Variants in GMFB observed in about 807,000 individuals in gnomAD.
GMFB encodes the protein GMF-beta.
In GMFB, 13 loss-of-function variants were observed where a neutral mutation model predicts 25.6. The observed-to-expected ratio is 0.51, with a 90% CI of 0.33 to 0.81. The LOEUF (loss-of-function observed/expected upper bound fraction) is 0.81, where lower values mean the gene tolerates loss of function less well. GMFB is among the 30% of genes least tolerant of loss of function. GMFB has a pLI of 0.02. For synonymous variants in GMFB, 57 were observed against 56.9 expected (o/e 1.00, Z 0.00); for missense variants, 146 against 175.4 (o/e 0.83, Z 0.95).
chr14:54,483,580 T>G (rs1276430624), intron 2 of GMFB, 91 bp downstream of exon 2: 5 of 684,710 alleles, frequency 7.3e-6, no homozygotes, highest in South Asian at 1.8e-5. Context: ...GAAGTAACAT[T>G]GCTTTCCAAC....
chr14:54,477,956 T>G lies in GMFB; in HGVS notation c.*132A>C, dbSNP rs558880647. 2.8e-5 allele frequency: 14 copies of G among 495,854 alleles called. No homozygotes were observed. In the African/African-American group the frequency reaches 2.8e-4, roughly 10 times the overall value. The allele number at this position is 495,854 out of a possible 1,614,324, so 30.7% of individuals were successfully genotyped here. ...CCTCTTTGTTCAAATTTTGCACAAA[T>G]GAAGAATTTTTCTTTACTGCAGGAA... is the stretch of plus-strand genomic sequence containing the variant. On this transcript the variant is annotated 3_prime_UTR_variant, in exon 7 of 7. Transcript: ENST00000358056.
Position 54,481,478 on chromosome 14 carries a change from C to A in GMFB, c.151-20G>T. 6.3e-7 allele frequency: 1 copy of A among 1,584,680 alleles called. No individual in the cohort carries two copies. The highest frequency in any genetic ancestry group is 1.7e-5 in the Admixed American group (1 of 59,886). ...AATGCCCTGGCACCACAGAGAAAAG[C>A]AACTTTTAAACATTTTCTTACCCAT... is the stretch of plus-strand genomic sequence containing the variant. On this transcript the variant is annotated intron_variant, in intron 3 of 6. Transcript: ENST00000358056.
In GMFB at chr14:54,477,896, C is replaced by A. The variant is rs1594632266; in HGVS notation, c.*192G>T. Reference sequence around the variant, plus strand: ...CCTAACAATTACCAATATAAGGAAACACTTTACAAAGTTTCATTACTATGA... The same window carrying A: ...CCTAACAATTACCAATATAAGGAAAAACTTTACAAAGTTTCATTACTATGA... On this transcript the variant is annotated 3_prime_UTR_variant, in exon 7 of 7. Transcript: ENST00000358056. 1 of 427,012 alleles carries A rather than the reference C, an allele frequency of 2.3e-6. No homozygotes were observed. Among genetic ancestry groups the A allele is most frequent in the South Asian group, 6.2e-5 (1 of 16,016 alleles). The allele number at this position is 427,012 out of a possible 1,614,324, so 26.5% of individuals were successfully genotyped here. A position where few individuals can be genotyped will look rare whatever the true frequency, so the allele number is the denominator to read the frequency against.
rs1566497124 is a variant in GMFB at position 54,480,962 on chromosome 14, T to TC, written c.201-7dup. On this transcript the variant is annotated splice_region_variant and splice_polypyrimidine_tract_variant and intron_variant, in intron 4 of 6. Transcript: ENST00000358056. Reference sequence around the variant, plus strand: ...TATAACTATACACAATGAAGGTTTTTCTCAAGTTAAAGAAACTAAAGTTAC... The same window carrying TC: ...TATAACTATACACAATGAAGGTTTTTCCTCAAGTTAAAGAAACTAAAGTTAC... 7.1e-7 allele frequency: 1 copy of TC among 1,404,086 alleles called. No homozygotes were observed. The highest frequency in any genetic ancestry group is 1.9e-5 in the Admixed American group (1 of 52,290). 87.0% of individuals were successfully genotyped at this position (1,404,086 alleles called of 1,614,324 possible). A position where few individuals can be genotyped will look rare whatever the true frequency, so the allele number is the denominator to read the frequency against.
chr14:54,479,679 A>C, intron 6 of GMFB, 107 bp downstream of exon 6: 1 of 636,050 alleles, frequency 1.6e-6, no homozygotes. Flanking sequence ...ATCTGGTCTA[A>C]ATAACCTTCA....
At chr14:54,482,732 TA>T (rs1314992480) in intron 2 of GMFB, among the ~76,000 whole-genome samples, 2 of 152,196 alleles carry the variant, frequency 1.3e-5, no homozygotes, top group Non-Finnish European at 2.9e-5. Context: ...AATCCAAAGC[TA>T]AATCAAAATA....
intron 4 of GMFB, 89 bp downstream of exon 4, chr14:54,481,320 G>GGATA: frequency 1.2e-6 from 1 of 853,690 alleles, no homozygotes; most frequent in East Asian, 2.5e-5. Context: ...TGACACAGAA[G>GGATA]GATACTTTTA....
chr14:54,488,448 C>A (rs564147699), intron 1 of GMFB, among the ~76,000 whole-genome samples: 34 of 152,320 alleles, frequency 2.2e-4, no homozygotes, highest in African/African-American at 7.9e-4. Context: ...AAGGTGAGGC[C>A]GAGAGAATTC....
At chr14:54,478,366 T>C in intron 6 of GMFB, 1 of 341,268 alleles carries the variant, frequency 2.9e-6, no homozygotes, top group East Asian at 4.4e-5. Context: ...AGAACTTCAC[T>C]TCTTTTAAAT....
At chr14:54,478,208 A>C (rs983958063) in intron 6 of GMFB, 49 bp from the exon 7 acceptor site, 2 of 653,342 alleles carry the variant, frequency 3.1e-6, no homozygotes, top group Non-Finnish European at 5.0e-6. Flanking sequence ...TCCAAAAAAA[A>C]AGTCAAATAT....
chr14:54,481,063 A>C, intron 4 of GMFB, 107 bp from the exon 5 acceptor site: 1 of 599,072 alleles, frequency 1.7e-6, no homozygotes, highest in East Asian at 2.9e-5. Context: ...TTTAGGCCAC[A>C]CCTTCATTAT....
rs2031687388 is a variant in GMFB, at chr14:54,479,843, T to C, written c.300A>G (p.Gln100=). 1.9e-6 allele frequency: 3 copies of C among 1,600,670 alleles called. No homozygotes were observed. Among genetic ancestry groups the C allele is most frequent in the African/African-American group, 1.3e-5 (1 of 74,738 alleles). The part of the protein sequence containing the change: ...FSSPVGCKPE[Q]QMMYAGSKNK... ...TCTTACTTCCAGCATACATCATCTG[T>C]TGTTCAGGCTTACATCCTGGAAAAG... The change falls in exon 6 of 7, where the codon CAA becomes CAG. Residue 100 remains glutamine (Q), a synonymous_variant. Transcript: ENST00000358056.
chr14:54,486,022 C>T (rs779784454), intron 1 of GMFB, among the ~76,000 whole-genome samples: 133 of 152,210 alleles, frequency 8.7e-4, no homozygotes, highest in Admixed American at 3.5e-3. Flanking sequence ...GAGGCCGAGG[C>T]GGGCGGATCA....
intron 3 of GMFB, 163 bp downstream of exon 3, chr14:54,481,990 G>A (rs1194811833): frequency 1.0e-5 from 6 of 583,424 alleles, no homozygotes; most frequent in Non-Finnish European, 1.9e-5. Context: ...AGTTAAATTA[G>A]CAATATCACA....
In GMFB at chr14:54,485,092, G is replaced by A. The variant is rs377681402; in HGVS notation, c.4-1325C>T. Reference sequence around the variant, plus strand: ...CATACTAAATGGGGAAAAACTGAAAGCCTTTACTCTAAGTTCTGGAGTAAA... The same window carrying A: ...CATACTAAATGGGGAAAAACTGAAAACCTTTACTCTAAGTTCTGGAGTAAA... On this transcript the variant is annotated intron_variant, in intron 1 of 6. Transcript: ENST00000358056. 1.0e-3 allele frequency among the ~76,000 whole-genome samples: 153 copies of A among 151,700 alleles called. 6 individuals are homozygous for A. The South Asian group carries it at 0.028, about 28-fold the overall frequency.
Position 54,478,177 on chromosome 14 carries a change from ACTTGGGTCATACTTTGACACTCC to A in GMFB, c.358-41_358-19del. ...TCAAATACCTTTAAAAAAAAAAAAA[ACTTGGGTCATACTTTGACACTCC>A]AAAAAAAAAGTCAAATATTTGAATT... On this transcript the variant is annotated intron_variant, in intron 6 of 6. Transcript: ENST00000358056. The A allele has an allele frequency of 3.6e-5, 38 of 1,049,848 alleles. No homozygotes were observed. The highest frequency in any genetic ancestry group is 4.8e-5 in the Non-Finnish European group (36 of 748,336). 65.0% of individuals were successfully genotyped at this position (1,049,848 alleles called of 1,614,324 possible). A position where few individuals can be genotyped will look rare whatever the true frequency, so the allele number is the denominator to read the frequency against.
At chr14:54,486,236 G>A (rs2031780847) in intron 1 of GMFB, among the ~76,000 whole-genome samples, 1 of 152,036 alleles carries the variant, frequency 6.6e-6, no homozygotes, top group African/African-American at 2.4e-5. Flanking sequence ...GCGACAGAGC[G>A]AGACTCCATC....
Position 54,488,936 on chromosome 14 carries a change from C to T in GMFB, c.-9G>A. The T allele has an allele frequency of 1.3e-6, 2 of 1,560,292 alleles. No homozygotes were observed. Among genetic ancestry groups the T allele is most frequent in the African/African-American group, 1.4e-5 (1 of 70,674 alleles). On this transcript the variant is annotated 5_prime_UTR_variant, in exon 1 of 7. Coordinates refer to ENST00000358056, the MANE Select transcript of GMFB (RefSeq NM_004124.3). ...CAGCGGCAACTCACCATTTTCCTTCCGGCCGTCAGCGGCCTGTCGCCTACA... is the reference window on the plus strand; with the variant it reads ...CAGCGGCAACTCACCATTTTCCTTCTGGCCGTCAGCGGCCTGTCGCCTACA...
Position 54,476,648 on chromosome 14 carries a change from A to G in GMFB, c.*1440T>C, listed in dbSNP as rs1017733294. Reference sequence around the variant, plus strand: ...TTGGGAACAGAAGATGTTCTATTCAATATCGCAAAAATTCCAACTATCTTT... The same window carrying G: ...TTGGGAACAGAAGATGTTCTATTCAGTATCGCAAAAATTCCAACTATCTTT... On this transcript the variant is annotated 3_prime_UTR_variant, in exon 7 of 7. Coordinates refer to ENST00000358056, the MANE Select transcript of GMFB (RefSeq NM_004124.3). 3 of 152,060 alleles carry G rather than the reference A, an allele frequency of 2.0e-5. No individual in the cohort carries two copies. Among genetic ancestry groups the G allele is most frequent in the Non-Finnish European group, 2.9e-5 (2 of 67,916 alleles). The allele number at this position is 152,060 out of a possible 1,614,324, so 9.4% of individuals were successfully genotyped here.
Sources: gnomAD v4.1 joint callset for allele counts (sites outside exome capture counted in the v4.1 genomes callset) on GRCh38, gnomAD v4.1.1 for gene constraint, MANE v1.5 for transcripts, NCBI Gene and HGNC (gene_info 2026-07-23, HGNC 2026-07-21) for gene names.